Variants in GCM1 observed in about 807,000 individuals in gnomAD.
GCM1 encodes GCM transcription factor 1.
Under a neutral mutation model 25.7 loss-of-function variants are expected in GCM1, and 2 were observed. That is an observed-to-expected ratio of 0.08 (90% CI 0.03 to 0.24). The LOEUF is 0.24. Ranked by LOEUF, GCM1 falls within the 10% of genes least tolerant of loss-of-function variation. The probability of loss-of-function intolerance (pLI) is 1.00; values close to 1 mark genes in which losing one functional copy is unlikely to be tolerated. For missense variants in GCM1, 395 were observed against 538.7 expected, an observed-to-expected ratio of 0.73 and a Z score of 2.64; for synonymous variants, 183 against 195.7, an observed-to-expected ratio of 0.94 and a Z score of 0.54.
intron 1 of GCM1, among the ~76,000 whole-genome samples, chr6:53,146,211 TATA>T (rs1404470987): frequency 7.0e-5 from 4 of 57,150 alleles, no homozygotes; most frequent in African/African-American, 2.8e-4. Flanking sequence ...TATATATATA[TATA>T]TATTTTTTTT....
At chr6:53,135,292 T>C (rs1203908687) in intron 2 of GCM1, among the ~76,000 whole-genome samples, 1 of 152,182 alleles carries the variant, frequency 6.6e-6, no homozygotes, top group Non-Finnish European at 1.5e-5. Flanking sequence ...AGTTGTGTTT[T>C]TGACCAAAAT....
chr6:53,132,687 G>A (rs1347487707), intron 3 of GCM1, among the ~76,000 whole-genome samples: 1 of 152,208 alleles, frequency 6.6e-6, no homozygotes, highest in Non-Finnish European at 1.5e-5. Context: ...ATGCCAGCTT[G>A]GGTGACAGAG....
intron 5 of GCM1, among the ~76,000 whole-genome samples, chr6:53,129,563 A>G (rs1299013614): frequency 1.3e-5 from 2 of 152,204 alleles, no homozygotes; most frequent in Non-Finnish European, 2.9e-5. Flanking sequence ...CATAAGCCAC[A>G]GTGCCTGGCC....
At chr6:53,137,371 T>C (rs114408191) in intron 2 of GCM1, among the ~76,000 whole-genome samples, 3,720 of 152,326 alleles carry the variant, frequency 0.024, 58 homozygotes, top group East Asian at 0.072. Flanking sequence ...TTCCCTTCCT[T>C]CCTTCCTTCT....
Position 53,130,846 on chromosome 6 carries a change from G to A in GCM1, c.527C>T (p.Pro176Leu). Residue 176 changes from proline (P) to leucine (L), a missense_variant, in exon 5 of 6, where the codon CCT becomes CTT. By Grantham distance (98) the Pro-to-Leu change is moderately conservative. Around this residue, in one of 5 missense-constraint regions of GCM1, gnomAD observed 291 missense variants for 314.6 expected, o/e 0.92. Coordinates refer to ENST00000259803, the MANE Select transcript of GCM1 (RefSeq NM_003643.4). ...CTTCAGGCTCAATGAGACGGAGGAA[G>A]GTGCTGTGTTCACTTTCTTCATGGC... ...RRAMKKVNTAPSSVSLSLKGS... is the reference protein window; with the variant it reads ...RRAMKKVNTALSSVSLSLKGS... 3 of 1,613,728 alleles carry A rather than the reference G, an allele frequency of 1.9e-6. No homozygotes were observed. Among genetic ancestry groups the A allele is most frequent in the Non-Finnish European group, 1.7e-6 (2 of 1,179,620 alleles).
At chr6:53,132,222 G>T in intron 3 of GCM1, 103 bp from the exon 4 acceptor site, 1 of 749,520 alleles carries the variant, frequency 1.3e-6, no homozygotes, top group Non-Finnish European at 2.4e-6. Context: ...GGACGGCAGA[G>T]TATAAATCTG....
rs2127508087 is a variant in GCM1 at position 53,130,748 on chromosome 6, C to T, written c.570+55G>A. ...AGGGACCCAGGAAATCTACCGCCCCCAGCACAGGCGTGGCAAGCTACTGCA... is the reference window on the plus strand; with the variant it reads ...AGGGACCCAGGAAATCTACCGCCCCTAGCACAGGCGTGGCAAGCTACTGCA... On this transcript the variant is annotated intron_variant, in intron 5 of 5. Transcript: ENST00000259803. 2.0e-6 allele frequency: 3 copies of T among 1,505,912 alleles called. No individual in the cohort carries two copies. The Middle Eastern group carries it at 5.3e-4, about 266-fold the overall frequency. The allele number at this position is 1,505,912 out of a possible 1,614,324, so 93.3% of individuals were successfully genotyped here.
intron 3 of GCM1, among the ~76,000 whole-genome samples, chr6:53,133,870 G>C (rs116685471): frequency 0.021 from 3,160 of 152,234 alleles, 52 homozygotes; most frequent in Middle Eastern, 0.071. Context: ...CTCTGGGTAT[G>C]GCAGATATGT....
At chr6:53,147,891 G>C (rs550509256) in intron 1 of GCM1, among the ~76,000 whole-genome samples, 2 of 152,208 alleles carry the variant, frequency 1.3e-5, no homozygotes, top group South Asian at 4.1e-4. Context: ...AATTTCTCTA[G>C]TAACAAACTA....
chr6:53,144,938 G>A (rs1763932093), intron 2 of GCM1, among the ~76,000 whole-genome samples: 6 of 119,380 alleles, frequency 5.0e-5, no homozygotes, highest in Admixed American at 2.6e-4. Context: ...AAAAAGTAGA[G>A]GAAGAAGAAA....
chr6:53,138,074 G>T (rs1763823945), intron 2 of GCM1, among the ~76,000 whole-genome samples: 1 of 152,072 alleles, frequency 6.6e-6, no homozygotes, highest in Non-Finnish European at 1.5e-5. Context: ...TTGAAGCCAG[G>T]AGTTCAAGAC....
chr6:53,130,842 G>A lies in GCM1; in HGVS notation c.531C>T (p.Ser177=). The change falls in exon 5 of 6, where the codon TCC becomes TCT. Residue 177 remains serine, a synonymous_variant. Transcript: ENST00000259803. The part of the protein sequence containing the change: ...RAMKKVNTAP[S]SVSLSLKGST... ...TCCCCTTCAGGCTCAATGAGACGGA[G>A]GAAGGTGCTGTGTTCACTTTCTTCA... 6.2e-7 allele frequency: 1 copy of A among 1,613,822 alleles called. No homozygotes were observed. The highest frequency in any genetic ancestry group is 1.1e-5 in the South Asian group (1 of 91,084).
At chr6:53,142,516 T>C (rs956253311) in intron 2 of GCM1, among the ~76,000 whole-genome samples, 9 of 152,156 alleles carry the variant, frequency 5.9e-5, no homozygotes, top group Non-Finnish European at 1.2e-4. Flanking sequence ...TAAAATTCCA[T>C]GTAACTTGTA....
At chr6:53,135,866 A>G (rs1335032626) in intron 2 of GCM1, among the ~76,000 whole-genome samples, 1 of 152,260 alleles carries the variant, frequency 6.6e-6, no homozygotes, top group African/African-American at 2.4e-5. Context: ...TTACTGAGTT[A>G]GAATTCAAAT....
In GCM1 at chr6:53,130,657, C is replaced by A. The variant is rs554428559; in HGVS notation, c.570+146G>T. ...AAGAGTAAAGCCTCAGATTTAATTT[C>A]TTTAGCAGATGCTTGTTTGTAGATG... On this transcript the variant is annotated intron_variant, in intron 5 of 5. Transcript: ENST00000259803. 67 of 598,226 alleles carry A rather than the reference C, an allele frequency of 1.1e-4. No individual in the cohort carries two copies. In the East Asian group the frequency reaches 1.9e-3, roughly 17 times the overall value. The allele number at this position is 598,226 out of a possible 1,614,324, so 37.1% of individuals were successfully genotyped here.
intron 2 of GCM1, among the ~76,000 whole-genome samples, chr6:53,137,243 C>G (rs1235389848): frequency 1.3e-5 from 2 of 152,148 alleles, no homozygotes; most frequent in Non-Finnish European, 2.9e-5. Flanking sequence ...TTTGCTTTTT[C>G]CAGACTGTCC....
chr6:53,138,494 T>G (rs924635834), intron 2 of GCM1, among the ~76,000 whole-genome samples: 4 of 152,142 alleles, frequency 2.6e-5, no homozygotes, highest in Non-Finnish European at 4.4e-5. Context: ...AAGTGTCAGA[T>G]GGATGACTGT....
intron 1 of GCM1, among the ~76,000 whole-genome samples, chr6:53,148,101 AT>A (rs1763990971): frequency 6.6e-6 from 1 of 152,202 alleles, no homozygotes; most frequent in Non-Finnish European, 1.5e-5. Flanking sequence ...GTAAAATTCT[AT>A]GTTTAGGAAA....
intron 5 of GCM1, among the ~76,000 whole-genome samples, chr6:53,129,354 A>C (rs1187203289): frequency 6.6e-6 from 1 of 150,806 alleles, no homozygotes; most frequent in Admixed American, 6.6e-5. Flanking sequence ...GGCTCACTGC[A>C]ACCTCTGCCT....
Sources: gnomAD v4.1 joint callset for allele counts (sites outside exome capture counted in the v4.1 genomes callset) on GRCh38, gnomAD v4.1.1 for gene constraint, gnomAD v4.1.1 regional missense constraint, MANE v1.5 for transcripts, NCBI Gene and HGNC (gene_info 2026-07-23, HGNC 2026-07-21) for gene names.